Variants in THNSL1 observed in about 807,000 individuals in gnomAD.
The protein encoded by THNSL1 is threonine synthase-like 1.
Under a neutral mutation model 50.4 loss-of-function variants are expected in THNSL1, and 48 were observed. The ratio of observed to expected loss-of-function variants is 0.95; its 90% confidence interval spans 0.76 to 1.21. The LOEUF is 1.21. Among genes scored for constraint, THNSL1 ranks in the 50% most tolerant of loss-of-function variants. THNSL1 has a pLI of 0.00. For missense variants in THNSL1, 896 were observed against 871.7 expected, an observed-to-expected ratio of 1.03 and a Z score of -0.35; for synonymous variants, 309 against 306.1, an observed-to-expected ratio of 1.01 and a Z score of -0.10.
In THNSL1 at chr10:25,023,452, C is replaced by G. The variant is rs1850766035; in HGVS notation, c.229C>G (p.Gln77Glu). Residue 77 changes from glutamine (Q) to glutamate (E), a missense_variant, in exon 3 of 3, where the codon CAG becomes GAG. Gln to Glu is a conservative substitution (Grantham distance 29, BLOSUM62 2). Transcript: ENST00000376356. ...GKTTVGRIIG[Q>E]KLGCCVIDVD... ...AACAACAGTAGGCAGAATAATAGGTCAGAAACTAGGTTGTTGTGTCATAGA... is the reference window on the plus strand; with the variant it reads ...AACAACAGTAGGCAGAATAATAGGTGAGAAACTAGGTTGTTGTGTCATAGA... 2 of 1,614,044 alleles carry G rather than the reference C, an allele frequency of 1.2e-6. No homozygotes were observed. Among genetic ancestry groups the G allele is most frequent in the Non-Finnish European group, 8.5e-7 (1 of 1,179,984 alleles).
the THNSL1 span, among the ~76,000 whole-genome samples, chr10:24,968,430 C>T: frequency 6.6e-6 from 1 of 152,162 alleles, no homozygotes; most frequent in Non-Finnish European, 1.5e-5. Flanking sequence ...CCCATCTCTA[C>T]CTCACAGGTG....
At chr10:24,992,230 G>A in the THNSL1 span, among the ~76,000 whole-genome samples, 1 of 152,144 alleles carries the variant, frequency 6.6e-6, no homozygotes, top group South Asian at 2.1e-4. Context: ...TGCATTCTAT[G>A]GTGACAGAGA....
At chr10:24,976,723 A>G in the THNSL1 span, among the ~76,000 whole-genome samples, 1 of 151,954 alleles carries the variant, frequency 6.6e-6, no homozygotes, top group East Asian at 1.9e-4. Flanking sequence ...TGAACTCCTG[A>G]CCTCAGATGA....
chr10:24,959,108 C>T, the THNSL1 span, among the ~76,000 whole-genome samples: 1 of 152,124 alleles, frequency 6.6e-6, no homozygotes, highest in African/African-American at 2.4e-5. Context: ...GCAGCTTATG[C>T]AAAATTAATT....
chr10:25,024,712 TC>T lies in THNSL1; in HGVS notation c.1490del (p.Ser497PhefsTer19). ...TGATCTTGTTAGTCAAGGATTTATT[TC>T]TTTTGGAAGCCCAGTCGATGTCTGT... The part of the protein sequence containing the change: ...YLDLVSQGFI[S>X]FGSPVDVCIP... On this transcript the variant is annotated frameshift_variant, in exon 3 of 3. Transcript: ENST00000376356. LOFTEE classifies it high-confidence loss of function. 6.2e-7 allele frequency: 1 copy of T among 1,614,222 alleles called. No individual in the cohort carries two copies.
the THNSL1 span, chr10:24,983,405 A>C: frequency 6.6e-6 from 1 of 152,228 alleles, no homozygotes; most frequent in Non-Finnish European, 1.5e-5. Flanking sequence ...CTCACAGCAA[A>C]GTACTGCTAT....
At chr10:25,017,061 C>G (rs1013577346) in intron 1 of THNSL1, among the ~76,000 whole-genome samples, 1 of 152,184 alleles carries the variant, frequency 6.6e-6, no homozygotes. Context: ...GGGCGGTCCT[C>G]CGGGTCGGCT....
chr10:25,024,360 A>T lies in THNSL1; in HGVS notation c.1137A>T (p.Ser379=), dbSNP rs1433476333. The change falls in exon 3 of 3, where the codon TCA becomes TCT. Residue 379 remains serine, a synonymous_variant. Transcript: ENST00000376356. ...ATTATATGATACTTGTAGCTACTTC[A>T]GGAGACACAGGGAGTGCAGTCTTAA... ...SCNYMILVAT[S]GDTGSAVLNG... 6.2e-7 allele frequency: 1 copy of T among 1,613,974 alleles called. No individual in the cohort carries two copies. The highest frequency in any genetic ancestry group is 8.5e-7 in the Non-Finnish European group (1 of 1,180,044).
At chr10:24,986,841 ACTT>A in the THNSL1 span, among the ~76,000 whole-genome samples, 2 of 152,202 alleles carry the variant, frequency 1.3e-5, no homozygotes, top group Non-Finnish European at 2.9e-5. Context: ...CTAAAAAGAT[ACTT>A]CATGTGTTGC....
At chr10:24,970,527 T>G in the THNSL1 span, among the ~76,000 whole-genome samples, 1 of 149,978 alleles carries the variant, frequency 6.7e-6, no homozygotes, top group Non-Finnish European at 1.5e-5. Context: ...CTGGGCAACA[T>G]AGCAAGAACC....
chr10:24,986,148 T>G, the THNSL1 span, among the ~76,000 whole-genome samples: 1 of 152,234 alleles, frequency 6.6e-6, no homozygotes, highest in Non-Finnish European at 1.5e-5. Flanking sequence ...TGGCCATACA[T>G]TTAGGTGTAA....
upstream of THNSL1, among the ~76,000 whole-genome samples, chr10:25,015,120 G>A (rs1850536709): frequency 6.6e-6 from 1 of 152,118 alleles, no homozygotes; most frequent in Non-Finnish European, 1.5e-5. Flanking sequence ...TACTTTCTTT[G>A]CTCCCCACAG....
intron 1 of THNSL1, among the ~76,000 whole-genome samples, chr10:25,017,782 CCTTT>C (rs1236947455): frequency 6.6e-6 from 1 of 152,118 alleles, no homozygotes; most frequent in East Asian, 1.9e-4. Flanking sequence ...TCACTTTGCC[CCTTT>C]CTTTTCGCCC....
upstream of THNSL1, chr10:25,016,177 G>A (rs1850567393): frequency 1.7e-6 from 2 of 1,185,674 alleles, no homozygotes; most frequent in South Asian, 3.9e-5. Context: ...CGTGGAAACC[G>A]TTACTAGGCA....
chr10:24,953,918 G>A, the THNSL1 span, among the ~76,000 whole-genome samples: 1 of 152,238 alleles, frequency 6.6e-6, no homozygotes, highest in African/African-American at 2.4e-5. Context: ...GCGCCTTGGA[G>A]GGTGCAGCTC....
chr10:25,017,349 A>G (rs1283304567), intron 1 of THNSL1, among the ~76,000 whole-genome samples: 1 of 152,112 alleles, frequency 6.6e-6, no homozygotes, highest in African/African-American at 2.4e-5. Flanking sequence ...TTTAAAAGAC[A>G]TTTTGGTAAT....
upstream of THNSL1, among the ~76,000 whole-genome samples, chr10:25,015,680 G>A (rs117062393): frequency 0.03 from 4,603 of 152,300 alleles, 94 homozygotes; most frequent in Non-Finnish European, 0.045. Context: ...CTGTAAAACT[G>A]TGAGATGCTG....
chr10:24,989,441 C>T, the THNSL1 span, among the ~76,000 whole-genome samples: 55 of 152,312 alleles, frequency 3.6e-4, no homozygotes, highest in East Asian at 8.7e-3. Context: ...TCAGGCCCAG[C>T]TAACGATCTA....
chr10:25,014,707 T>C (rs146552711), upstream of THNSL1, among the ~76,000 whole-genome samples: 761 of 152,216 alleles, frequency 5.0e-3, 5 homozygotes, highest in African/African-American at 0.017. Flanking sequence ...CAATAGAAAA[T>C]TTGAAAATAA....
Sources: gnomAD v4.1 joint callset for allele counts (sites outside exome capture counted in the v4.1 genomes callset) on GRCh38, gnomAD v4.1.1 for gene constraint, MANE v1.5 for transcripts, NCBI Gene and HGNC (gene_info 2026-07-23, HGNC 2026-07-21) for gene names.